IMMP2L: variants seen among roughly 807,000 people sequenced by gnomAD.
IMMP2L encodes the protein inner mitochondrial membrane peptidase subunit 2.
Under a neutral mutation model 19.3 loss-of-function variants are expected in IMMP2L, and 18 were observed. The ratio of observed to expected loss-of-function variants is 0.93; its 90% CI spans 0.64 to 1.38. The LOEUF is 1.38. Ranked by LOEUF, IMMP2L falls within the 40% of genes most tolerant of loss-of-function variation. The pLI is 0.00. For synonymous variants in IMMP2L, 76 were observed against 73.0 expected, an observed-to-expected ratio of 1.04 and a Z score of -0.21; for missense variants, 233 against 218.2, an observed-to-expected ratio of 1.07 and a Z score of -0.43.
chr7:111,535,499 T>C (rs905359505), intron 1 of IMMP2L, among the ~76,000 whole-genome samples: 4 of 152,096 alleles, frequency 2.6e-5, no homozygotes, highest in African/African-American at 4.8e-5. Context: ...TCTAAAGAAA[T>C]GGTCTTTGCC....
chr7:110,808,454 A>C (rs1048390562), intron 5 of IMMP2L, among the ~76,000 whole-genome samples: 7 of 152,040 alleles, frequency 4.6e-5, no homozygotes, highest in African/African-American at 1.7e-4. Context: ...AGTCACTAAA[A>C]GGCTAATTGT....
chr7:110,668,892 G>C (rs1364333176), intron 5 of IMMP2L, among the ~76,000 whole-genome samples: 1 of 151,806 alleles, frequency 6.6e-6, no homozygotes, highest in Non-Finnish European at 1.5e-5. Context: ...CAGGCAAAGA[G>C]TATAGTGAAT....
At chr7:111,026,067 T>C (rs1280548597) in intron 3 of IMMP2L, among the ~76,000 whole-genome samples, 3 of 151,952 alleles carry the variant, frequency 2.0e-5, no homozygotes, top group East Asian at 3.9e-4. Context: ...AACAGAAGAA[T>C]TGTTTTAGTG....
At chr7:111,006,794 C>A (rs1824334167) in intron 3 of IMMP2L, among the ~76,000 whole-genome samples, 1 of 152,022 alleles carries the variant, frequency 6.6e-6, no homozygotes, top group Non-Finnish European at 1.5e-5. Flanking sequence ...CTTGAAGATC[C>A]CCCTTCTTTT....
intron 1 of IMMP2L, among the ~76,000 whole-genome samples, chr7:111,539,212 A>AGG (rs879550080): frequency 0.023 from 1,675 of 74,270 alleles, 177 homozygotes; most frequent in East Asian, 0.025. Context: ...GAAAGAAAGA[A>AGG]AGAAAGAAAG....
chr7:110,702,793 A>C (rs955850851), intron 5 of IMMP2L, among the ~76,000 whole-genome samples: 2 of 152,048 alleles, frequency 1.3e-5, no homozygotes, highest in African/African-American at 2.4e-5. Flanking sequence ...CTTACATATT[A>C]GTTCTAGTAT....
At chr7:111,335,727 AG>A (rs1826333085) in intron 3 of IMMP2L, among the ~76,000 whole-genome samples, 1 of 152,178 alleles carries the variant, frequency 6.6e-6, no homozygotes, top group Non-Finnish European at 1.5e-5. Context: ...CAACATGGAA[AG>A]TTCTCTAACA....
chr7:110,990,081 C>A (rs956478693), intron 3 of IMMP2L, among the ~76,000 whole-genome samples: 7 of 152,050 alleles, frequency 4.6e-5, no homozygotes, highest in Admixed American at 3.9e-4. Flanking sequence ...AAAGCAGCAA[C>A]AGCAAATAAG....
At chr7:111,288,910 A>C (rs1407540363) in intron 3 of IMMP2L, among the ~76,000 whole-genome samples, 1 of 152,160 alleles carries the variant, frequency 6.6e-6, no homozygotes, top group African/African-American at 2.4e-5. Context: ...CAGCCATCCC[A>C]TTACTAGGCA....
chr7:111,511,929 T>C (rs974223078), intron 2 of IMMP2L, among the ~76,000 whole-genome samples: 18 of 152,114 alleles, frequency 1.2e-4, no homozygotes, highest in African/African-American at 4.3e-4. Flanking sequence ...AGAGTGCAAG[T>C]GGTGCCAGTT....
chr7:110,875,795 T>G (rs944954980), intron 5 of IMMP2L, among the ~76,000 whole-genome samples: 5 of 152,150 alleles, frequency 3.3e-5, no homozygotes, highest in African/African-American at 1.2e-4. Context: ...TAGTTGTCAG[T>G]CTAAGTAGGT....
intron 4 of IMMP2L, among the ~76,000 whole-genome samples, chr7:110,917,435 A>C (rs1478952295): frequency 6.6e-6 from 1 of 152,196 alleles, no homozygotes; most frequent in East Asian, 1.9e-4. Flanking sequence ...CACTATCTGC[A>C]TGTCAAAATA....
chr7:111,368,784 T>C (rs377674312), intron 3 of IMMP2L, among the ~76,000 whole-genome samples: 1 of 151,968 alleles, frequency 6.6e-6, no homozygotes, highest in South Asian at 2.1e-4. Context: ...TAGCAGTTCT[T>C]TGGGTGACTT....
intron 5 of IMMP2L, among the ~76,000 whole-genome samples, chr7:110,669,833 AG>A (rs1286197899): frequency 1.3e-5 from 2 of 152,156 alleles, no homozygotes; most frequent in African/African-American, 4.8e-5. Context: ...TGGCAGTCCA[AG>A]GGGGTGCTAT....
chr7:111,334,090 A>C (rs1217354306), intron 3 of IMMP2L, among the ~76,000 whole-genome samples: 1 of 152,012 alleles, frequency 6.6e-6, no homozygotes, highest in Non-Finnish European at 1.5e-5. Context: ...TACATATCAA[A>C]AATTTTTATT....
Position 111,443,934 on chromosome 7 carries a change from T to C in IMMP2L, c.239+43304A>G, listed in dbSNP as rs140402756. On this transcript the variant is annotated intron_variant, in intron 3 of 5. Coordinates refer to ENST00000405709, the MANE Select transcript of IMMP2L (RefSeq NM_032549.4). ...TATGTGAAAACTGAACTGTAAAGCA[T>C]ACAGTATGTGCATCTTCACAGGGTA... Among the ~76,000 whole-genome samples, 31 of 152,232 alleles carry C rather than the reference T, an allele frequency of 2.0e-4. No individual in the cohort carries two copies. The East Asian group carries it at 5.6e-3, about 28-fold the overall frequency.
Position 111,387,008 on chromosome 7 carries a change from T to C in IMMP2L, c.239+100230A>G, listed in dbSNP as rs182232950. Among the ~76,000 whole-genome samples, 36 of 152,348 alleles carry C rather than the reference T, an allele frequency of 2.4e-4. 1 individual carries two copies. The highest frequency in any genetic ancestry group is 2.2e-3 in the Admixed American group (34 of 15,298). On this transcript the variant is annotated intron_variant, in intron 3 of 5. Transcript: ENST00000405709. ...ATTTTAAATTTGATTTTGCTTCTTA[T>C]ATCACATAGCACTTATTCAAAAATA...
intron 3 of IMMP2L, among the ~76,000 whole-genome samples, chr7:111,337,353 T>C (rs1214928020): frequency 6.6e-6 from 1 of 152,150 alleles, no homozygotes; most frequent in Non-Finnish European, 1.5e-5. Flanking sequence ...AATTATGCCA[T>C]AATCACCCCA....
intron 3 of IMMP2L, chr7:111,124,047 T>A (rs1800983028): frequency 6.2e-7 from 1 of 1,614,030 alleles, no homozygotes; most frequent in Non-Finnish European, 8.5e-7. Context: ...TTATAGCTCC[T>A]GAGAGCTTTC....
Sources: allele counts gnomAD v4.1 joint callset (sites outside exome capture counted in the v4.1 genomes callset), GRCh38; gene constraint gnomAD v4.1.1; transcripts MANE v1.5; gene names NCBI Gene and HGNC (gene_info 2026-07-23, HGNC 2026-07-21).